Variants in KAZN observed in about 807,000 individuals in gnomAD.
The protein encoded by KAZN is kazrin.
A neutral mutation model predicts 87.4 loss-of-function variants in KAZN; 40 were observed. That is an observed-to-expected ratio of 0.46 (90% CI 0.36 to 0.60). The LOEUF is 0.60. KAZN is among the 20% of genes least tolerant of loss of function. The pLI, the probability that KAZN is intolerant of heterozygous loss-of-function variation, is 0.00. For synonymous variants in KAZN, 466 were observed against 458.3 expected, an observed-to-expected ratio of 1.02 and a Z score of -0.22; for missense variants, 898 against 1,073.9, an observed-to-expected ratio of 0.84 and a Z score of 2.29.
chr1:14,805,715 C>T (rs148735810), intron 1 of KAZN, among the ~76,000 whole-genome samples: 46 of 151,348 alleles, frequency 3.0e-4, no homozygotes, highest in African/African-American at 1.0e-3. Context: ...GAGCAGAGAT[C>T]GCGCCAATGC....
At chr1:14,662,873 TTA>T (rs199806488) in intron 1 of KAZN, among the ~76,000 whole-genome samples, 5 of 144,684 alleles carry the variant, frequency 3.5e-5, no homozygotes, top group African/African-American at 1.0e-4. Context: ...TTGCCAATAC[TTA>T]TATATATATG....
intron 1 of KAZN, among the ~76,000 whole-genome samples, chr1:14,025,773 G>T (rs1203717787): frequency 6.6e-6 from 1 of 152,032 alleles, no homozygotes; most frequent in African/African-American, 2.4e-5. Context: ...GCCAATATGG[G>T]TAATGGCTAC....
rs59240545 is a variant in KAZN, at chr1:15,069,083, TCTC to T, written c.1222+3334_1222+3336del. ...TTCCTGGAATTGAAGTGTATTTAAA[TCTC>T]CTCTGGTGATTCTAAAGGGTTGCCA... On this transcript the variant is annotated intron_variant, in intron 8 of 14. Transcript: ENST00000376030. Among the ~76,000 whole-genome samples the T allele has an allele frequency of 8.1e-3, 1,224 of 151,850 alleles. 26 individuals carry two copies. The highest frequency in any genetic ancestry group is 0.072 in the East Asian group (367 of 5,118).
chr1:13,981,199 C>T (rs1460435759), intron 1 of KAZN, among the ~76,000 whole-genome samples: 1 of 139,876 alleles, frequency 7.1e-6, no homozygotes, highest in Non-Finnish European at 1.5e-5. Context: ...AAGAAAAAGG[C>T]CTAAGAAGAC....
intron 1 of KAZN, among the ~76,000 whole-genome samples, chr1:13,994,217 C>A (rs1320403939): frequency 6.6e-6 from 1 of 152,190 alleles, no homozygotes; most frequent in African/African-American, 2.4e-5. Context: ...CTGGACAAAG[C>A]CCACCATCTG....
chr1:15,066,739 A>G lies in KAZN; in HGVS notation c.1222+986A>G. On this transcript the variant is annotated intron_variant, in intron 8 of 14. Coordinates refer to ENST00000376030, the MANE Select transcript of KAZN (RefSeq NM_201628.3). The surrounding 1 kb of genome is among the most constrained non-coding windows in gnomAD (Gnocchi z 4.3). ...ACCATGCTGCTACCCAACTGTGCAA[A>G]GTAGTTTAGGGTGGCCAGAACCCAG... 1.0e-6 allele frequency: 1 copy of G among 985,258 alleles called. No homozygotes were observed. Among genetic ancestry groups the G allele is most frequent in the Non-Finnish European group, 1.2e-6 (1 of 829,920 alleles). 61.0% of individuals were successfully genotyped at this position (985,258 alleles called of 1,614,324 possible).
intron 2 of KAZN, among the ~76,000 whole-genome samples, chr1:14,326,934 C>T (rs924587809): frequency 3.9e-5 from 6 of 152,140 alleles, no homozygotes; most frequent in African/African-American, 1.4e-4. Context: ...GCCTCTGGTG[C>T]ACTCATAGTA....
At chr1:13,921,142 G>T (rs1640052200) in intron 1 of KAZN, among the ~76,000 whole-genome samples, 1 of 151,920 alleles carries the variant, frequency 6.6e-6, no homozygotes, top group Non-Finnish European at 1.5e-5. Context: ...GATTGTTCTT[G>T]GTGTTTTTTA....
chr1:14,279,971 G>A (rs1234966607), intron 2 of KAZN, among the ~76,000 whole-genome samples: 4 of 152,040 alleles, frequency 2.6e-5, no homozygotes, highest in South Asian at 2.1e-4. Context: ...ATTGGGAATC[G>A]TGTCCCCCCA....
chr1:14,096,486 A>G (rs1570728609), intron 1 of KAZN, among the ~76,000 whole-genome samples: 1 of 152,140 alleles, frequency 6.6e-6, no homozygotes, highest in East Asian at 1.9e-4. Flanking sequence ...CAAAACCCGA[A>G]CCTGCTTAAG....
chr1:15,081,266 A>G lies in KAZN; in HGVS notation c.1223-12914A>G, dbSNP rs1639992178. Reference sequence around the variant, plus strand: ...TGGCTCTCTTCCCAACTCCACGTCCAGTGACAGCCTGCCGGTCACTGAAAT... The same window carrying G: ...TGGCTCTCTTCCCAACTCCACGTCCGGTGACAGCCTGCCGGTCACTGAAAT... On this transcript the variant is annotated intron_variant, in intron 8 of 14. Coordinates refer to ENST00000376030, the MANE Select transcript of KAZN (RefSeq NM_201628.3). The surrounding 1 kb of genome is among the most constrained non-coding windows in gnomAD (Gnocchi z 4.1). Among the ~76,000 whole-genome samples the G allele has an allele frequency of 6.6e-6, 1 of 152,236 alleles. No individual in the cohort carries two copies. The highest frequency in any genetic ancestry group is 1.5e-5 in the Non-Finnish European group (1 of 68,040).
chr1:14,365,381 G>C (rs1279362177), intron 2 of KAZN, among the ~76,000 whole-genome samples: 1 of 128,140 alleles, frequency 7.8e-6, no homozygotes, highest in Non-Finnish European at 1.6e-5. Flanking sequence ...GGGGGGGGGG[G>C]GTCTTTCAAG....
chr1:14,790,549 A>G (rs1049837682), intron 1 of KAZN, among the ~76,000 whole-genome samples: 1 of 152,208 alleles, frequency 6.6e-6, no homozygotes, highest in African/African-American at 2.4e-5. Flanking sequence ...GAATGTTTAC[A>G]GCACCCTAAA....
intron 2 of KAZN, among the ~76,000 whole-genome samples, chr1:14,410,278 A>C (rs1469934254): frequency 1.3e-5 from 2 of 152,078 alleles, no homozygotes; most frequent in African/African-American, 4.8e-5. Flanking sequence ...TAATCTTTGT[A>C]TTTTTAGTAG....
At chr1:14,366,780 C>T (rs1294157478) in intron 2 of KAZN, among the ~76,000 whole-genome samples, 3 of 152,244 alleles carry the variant, frequency 2.0e-5, no homozygotes, top group Non-Finnish European at 4.4e-5. Context: ...TCTGCCTTTT[C>T]ACATGAGGTG....
intron 1 of KAZN, among the ~76,000 whole-genome samples, chr1:14,733,591 G>A (rs1327949094): frequency 1.3e-5 from 2 of 151,926 alleles, no homozygotes; most frequent in East Asian, 3.9e-4. Flanking sequence ...GGGGAGTTCT[G>A]GAAGTTTCCA....
At chr1:14,040,999 A>T (rs1447469796) in intron 1 of KAZN, among the ~76,000 whole-genome samples, 1 of 152,188 alleles carries the variant, frequency 6.6e-6, no homozygotes, top group Non-Finnish European at 1.5e-5. Context: ...TAGTTTCAAC[A>T]TCAAATAATG....
chr1:14,425,200 T>C (rs1031847377), intron 2 of KAZN, among the ~76,000 whole-genome samples: 2 of 152,188 alleles, frequency 1.3e-5, no homozygotes, highest in African/African-American at 4.8e-5. Context: ...TGTTCTCACA[T>C]TGCATTTGCA....
intron 1 of KAZN, among the ~76,000 whole-genome samples, chr1:14,751,499 C>A (rs986597689): frequency 1.3e-5 from 2 of 152,196 alleles, no homozygotes; most frequent in African/African-American, 4.8e-5. Flanking sequence ...AACACCCTGA[C>A]AAGGTAGGCA....
Sources: allele counts gnomAD v4.1 joint callset (sites outside exome capture counted in the v4.1 genomes callset), GRCh38; gene constraint gnomAD v4.1.1; non-coding constraint Gnocchi (gnomAD v3.1); transcripts MANE v1.5; gene names NCBI Gene and HGNC (gene_info 2026-07-23, HGNC 2026-07-21).